The following EVC2 variants were observed in gnomAD, a reference collection of about 807,000 sequenced individuals.
The protein encoded by EVC2 is limbin.
Under a neutral mutation model 149.3 loss-of-function variants are expected in EVC2, and 148 were observed. The observed-to-expected ratio is 0.99, with a 90% CI of 0.87 to 1.14. EVC2 has a LOEUF of 1.14. Among genes scored for constraint, EVC2 ranks in the 50% most tolerant of loss-of-function variants. The probability of loss-of-function intolerance (pLI) is 0.00; values close to 1 mark genes in which losing one functional copy is unlikely to be tolerated. For synonymous variants in EVC2, 776 were observed against 649.9 expected (o/e 1.19, Z -2.95); for missense variants, 1,854 against 1,627.3 (o/e 1.14, Z -2.40).
In EVC2 at chr4:5,568,596, G is replaced by A. The variant is rs776832054; in HGVS notation, c.3405C>T (p.Pro1135=). The A allele has an allele frequency of 4.7e-5, 75 of 1,608,590 alleles. No homozygotes were observed. Among genetic ancestry groups the A allele is most frequent in the Middle Eastern group, 3.5e-4 (2 of 5,726 alleles). Residue 1135 remains proline (P), a synonymous_variant, in exon 20 of 22, where the codon CCC becomes CCT. Coordinates refer to ENST00000344408, the MANE Select transcript of EVC2 (RefSeq NM_147127.5). ...ASYLARMAMV[P]GATLRRLLSV... ...TCAGGAGCCGGCGAAGCGTGGCCCCGGGCACCATGGCCATCCTCGCCAGGT... is the reference window on the plus strand; with the variant it reads ...TCAGGAGCCGGCGAAGCGTGGCCCCAGGCACCATGGCCATCCTCGCCAGGT...
At chr4:5,619,153 G>A (rs1284970921) in intron 14 of EVC2, among the ~76,000 whole-genome samples, 1 of 152,216 alleles carries the variant, frequency 6.6e-6, no homozygotes, top group Non-Finnish European at 1.5e-5. Flanking sequence ...CTGTCATTCA[G>A]TGAAAATCGA....
At chr4:5,699,932 G>C (rs1721722747) in intron 1 of EVC2, among the ~76,000 whole-genome samples, 1 of 152,178 alleles carries the variant, frequency 6.6e-6, no homozygotes, top group South Asian at 2.1e-4. Flanking sequence ...CTTGAGGTCA[G>C]GAGTTCGAGA....
the EVC2 span, among the ~76,000 whole-genome samples, chr4:5,536,003 T>C: frequency 4.6e-5 from 7 of 152,114 alleles, no homozygotes; most frequent in Non-Finnish European, 7.4e-5. Context: ...TACTTCCCTG[T>C]TTAGCCTCTG....
rs1715425014 is a variant in EVC2 at position 5,618,357 on chromosome 4, G to A, written c.2706+121C>T. On this transcript the variant is annotated intron_variant, in intron 15 of 21. Coordinates refer to ENST00000344408, the MANE Select transcript of EVC2 (RefSeq NM_147127.5). The surrounding 1 kb of genome is among the most constrained non-coding windows in gnomAD (Gnocchi z 4.4). ...GCTGGACACCAATGCAGCCAGAGAG[G>A]AGAGGATAGGGGAGCATGAGGTGAG... 1.0e-5 allele frequency: 11 copies of A among 1,099,028 alleles called. No individual in the cohort carries two copies. The highest frequency in any genetic ancestry group is 3.1e-5 in the African/African-American group (2 of 64,886). 68.1% of individuals were successfully genotyped at this position (1,099,028 alleles called of 1,614,324 possible). A position where few individuals can be genotyped will look rare whatever the true frequency, so the allele number is the denominator to read the frequency against.
At chr4:5,705,588 T>C (rs749833686) in intron 1 of EVC2, among the ~76,000 whole-genome samples, 55 of 152,082 alleles carry the variant, frequency 3.6e-4, no homozygotes, top group African/African-American at 1.2e-3. Flanking sequence ...TTTTCTAAAA[T>C]AAAAAAAGTG....
intron 12 of EVC2, 99 bp downstream of exon 12, chr4:5,628,460 T>C: frequency 2.1e-6 from 3 of 1,461,898 alleles, no homozygotes; most frequent in Non-Finnish European, 2.8e-6. Context: ...ACCAAATATA[T>C]CTCTTCTATT....
At chr4:5,543,998 C>A (rs16837413) in intron 21 of EVC2, among the ~76,000 whole-genome samples, 9 of 152,076 alleles carry the variant, frequency 5.9e-5, no homozygotes, top group African/African-American at 2.2e-4. Context: ...GACAGGAGAT[C>A]GACCTCAGAA....
rs11734004 is a variant in EVC2, at chr4:5,567,266, G to A, written c.3557+1178C>T. On this transcript the variant is annotated intron_variant, in intron 20 of 21. Coordinates refer to ENST00000344408, the MANE Select transcript of EVC2 (RefSeq NM_147127.5). The surrounding 1 kb of genome is among the most constrained non-coding windows in gnomAD (Gnocchi z 4.4). The stretch of plus-strand genomic sequence containing the variant: ...ACACTGTGGCCTCCTGCCCACACCC[G>A]CAGATGTTCCCTCTTCCCCACCCTC... 0.5 allele frequency among the ~76,000 whole-genome samples: 75,421 copies of A among 152,030 alleles called. 21,065 individuals carry two copies. The highest frequency in any genetic ancestry group is 0.64 in the Non-Finnish European group (43,576 of 67,960).
chr4:5,702,365 C>T (rs1721879645), intron 1 of EVC2, among the ~76,000 whole-genome samples: 1 of 152,170 alleles, frequency 6.6e-6, no homozygotes, highest in African/African-American at 2.4e-5. Flanking sequence ...TCCTCAAGAG[C>T]AGGGGCAGGT....
rs1715453232 is a variant in EVC2, at chr4:5,618,645, C to T, written c.2539G>A (p.Glu847Lys). The stretch of plus-strand genomic sequence containing the variant: ...ACCTCCTGCCTCATCCTGAGCAGCT[C>T]CTCTTCAGACAGGGAGAAGACTGAG... ...CSSVFSLSEEELLRMRQEVHG... is the reference protein window; with the variant it reads ...CSSVFSLSEEKLLRMRQEVHG... The change falls in exon 15 of 22, where the codon GAG becomes AAG. Residue 847 changes from glutamate (E) to lysine (K), a missense_variant. Transcript: ENST00000344408. This position sits in a 1 kb window ranked among gnomAD's most constrained non-coding sequence, Gnocchi z 4.4. 2 of 1,609,988 alleles carry T rather than the reference C, an allele frequency of 1.2e-6. No individual in the cohort carries two copies. The highest frequency in any genetic ancestry group is 2.2e-5 in the East Asian group (1 of 44,704).
chr4:5,584,816 C>A lies in EVC2; in HGVS notation c.2864G>T (p.Arg955Leu), dbSNP rs145786485. ...AAAGCCTCCCTCCTGTGCCTCCATC[C>A]GCTGCACTCTCTCCCGCAGCAATTC... ...RGELLRERVQ[R>L]MEAQEGGFAQ... is the part of the protein sequence containing the mutation. The change falls in exon 17 of 22, where the codon CGG (arginine) becomes CTG (leucine). Residue 955 changes from arginine (R) to leucine (L), a missense_variant. Arg to Leu is a moderately radical substitution (Grantham distance 102). Coordinates refer to ENST00000344408, the MANE Select transcript of EVC2 (RefSeq NM_147127.5). The A allele has an allele frequency of 5.6e-6, 9 of 1,614,168 alleles. No homozygotes were observed. The South Asian group carries it at 7.7e-5, about 14-fold the overall frequency.
chr4:5,572,853 A>C (rs1722714679), intron 19 of EVC2, among the ~76,000 whole-genome samples: 2 of 152,182 alleles, frequency 1.3e-5, no homozygotes, highest in South Asian at 4.1e-4. Flanking sequence ...GCAGAGACAT[A>C]GGCCGGGGTG....
chr4:5,689,312 C>A lies in EVC2; in HGVS notation c.551G>T (p.Arg184Leu). 1 of 1,614,086 alleles carries A rather than the reference C, an allele frequency of 6.2e-7. No homozygotes were observed. The highest frequency in any genetic ancestry group is 1.1e-5 in the South Asian group (1 of 91,050). Reference sequence around the variant, plus strand: ...GGTGTTGTTAACAAGCAGCCATATGCGGGCTGTCTGTGCTTCACTCGACCC... The same window carrying A: ...GGTGTTGTTAACAAGCAGCCATATGAGGGCTGTCTGTGCTTCACTCGACCC... ...VSGSSEAQTA[R>L]IWLLVNNTKT... is the part of the protein sequence containing the mutation. Residue 184 changes from arginine to leucine, a missense_variant, in exon 5 of 22, where the codon CGC (arginine) becomes CTC (leucine). Transcript: ENST00000344408.
intron 9 of EVC2, among the ~76,000 whole-genome samples, chr4:5,651,743 T>C (rs1281675106): frequency 6.6e-6 from 1 of 152,238 alleles, no homozygotes; most frequent in Admixed American, 6.5e-5. Context: ...CTGCCAGGCA[T>C]TCCCCAGCCT....
chr4:5,666,420 T>C (rs1457562210), intron 7 of EVC2, among the ~76,000 whole-genome samples: 1 of 152,208 alleles, frequency 6.6e-6, no homozygotes, highest in Non-Finnish European at 1.5e-5. Flanking sequence ...TTCAGTCCCT[T>C]TTCTCACACT....
chr4:5,644,798 G>A (rs893834801), intron 9 of EVC2, among the ~76,000 whole-genome samples: 7 of 152,096 alleles, frequency 4.6e-5, no homozygotes, highest in African/African-American at 1.7e-4. Flanking sequence ...TTCTGTGACT[G>A]GCTTATTTCA....
intron 16 of EVC2, among the ~76,000 whole-genome samples, chr4:5,598,349 T>C (rs1197448785): frequency 1.3e-5 from 2 of 150,814 alleles, no homozygotes. Flanking sequence ...CAAAACAGCA[T>C]GGTACTGGTA....
intron 16 of EVC2, among the ~76,000 whole-genome samples, chr4:5,586,585 T>C (rs1416713517): frequency 1.3e-5 from 2 of 152,178 alleles, no homozygotes; most frequent in African/African-American, 2.4e-5. Context: ...ACATTTACAA[T>C]CGATTCTCTC....
intron 1 of EVC2, among the ~76,000 whole-genome samples, chr4:5,704,819 C>A (rs1014411755): frequency 6.6e-6 from 1 of 152,010 alleles, no homozygotes; most frequent in Non-Finnish European, 1.5e-5. Context: ...CATCTTCCTG[C>A]CTCAGCCTCC....
Sources: allele counts gnomAD v4.1 joint callset (sites outside exome capture counted in the v4.1 genomes callset), GRCh38; gene constraint gnomAD v4.1.1; non-coding constraint Gnocchi (gnomAD v3.1); transcripts MANE v1.5; gene names NCBI Gene and HGNC (gene_info 2026-07-23, HGNC 2026-07-21).